The following METTL14 variants were observed in gnomAD, a reference collection of about 807,000 sequenced individuals.
METTL14 encodes the protein N(6)-adenosine-methyltransferase non-catalytic subunit METTL14.
In METTL14, 32 loss-of-function variants were observed where a neutral mutation model predicts 62.4. That is an observed-to-expected ratio of 0.51 (90% CI 0.39 to 0.69). METTL14 has a LOEUF of 0.69. Among genes scored for constraint, METTL14 ranks in the 30% least tolerant of loss-of-function variants. The pLI, the probability that METTL14 is intolerant of heterozygous loss-of-function variation, is 0.00. For missense variants in METTL14, 340 were observed against 551.9 expected (o/e 0.62, Z 3.85); for synonymous variants, 150 against 180.0 (o/e 0.83, Z 1.34).
At chr4:118,701,500 C>A (rs190454396) in intron 8 of METTL14, among the ~76,000 whole-genome samples, 3 of 152,132 alleles carry the variant, frequency 2.0e-5, no homozygotes, top group Admixed American at 6.5e-5. Flanking sequence ...TTGGCCTTCA[C>A]CAAAAGGAAC....
rs1421029705 is a variant in METTL14 at position 118,713,223 on chromosome 4, T to A, written c.*2921T>A. ...TATGAGCCCTTATTTCCTATCTCCCTTATTCTGAGGCCAGGTCAGTGATAT... is the reference window on the plus strand; with the variant it reads ...TATGAGCCCTTATTTCCTATCTCCCATATTCTGAGGCCAGGTCAGTGATAT... On this transcript the variant is annotated 3_prime_UTR_variant, in exon 11 of 11. Transcript: ENST00000388822. 6.6e-6 allele frequency: 1 copy of A among 152,208 alleles called. No homozygotes were observed. The highest frequency in any genetic ancestry group is 1.5e-5 in the Non-Finnish European group (1 of 68,042). 9.4% of individuals were successfully genotyped at this position (152,208 alleles called of 1,614,324 possible). A position where few individuals can be genotyped will look rare whatever the true frequency, so the allele number is the denominator to read the frequency against.
chr4:118,707,663 CAA>C (rs58896173), intron 10 of METTL14, among the ~76,000 whole-genome samples: 36 of 54,070 alleles, frequency 6.7e-4, no homozygotes, highest in Non-Finnish European at 3.9e-4. Flanking sequence ...GACCCTGTCT[CAA>C]AAAAAAAAAA....
At chr4:118,702,938 T>TTTATTATTATTATTATTATTATTA (rs70944804) in intron 8 of METTL14, among the ~76,000 whole-genome samples, 1 of 135,158 alleles carries the variant, frequency 7.4e-6, no homozygotes. Flanking sequence ...GTTGGAAGGT[T>TTTATTATTATTATTATTATTATTA]TTATTATTAT....
intron 5 of METTL14, among the ~76,000 whole-genome samples, chr4:118,693,057 A>T (rs925940043): frequency 6.6e-6 from 1 of 152,124 alleles, no homozygotes; most frequent in Non-Finnish European, 1.5e-5. Context: ...TACCTTTCTG[A>T]CAACTACTCT....
chr4:118,697,342 C>T lies in METTL14; in HGVS notation c.645+19C>T, dbSNP rs1288384213. ...GGATGATGTATGATCAAACTTTCTACATTGTAATGAATTATTTATTTTCAA... is the reference window on the plus strand; with the variant it reads ...GGATGATGTATGATCAAACTTTCTATATTGTAATGAATTATTTATTTTCAA... On this transcript the variant is annotated intron_variant, in intron 7 of 10. Transcript: ENST00000388822. 1 of 1,571,186 alleles carries T rather than the reference C, an allele frequency of 6.4e-7. No individual in the cohort carries two copies. Among genetic ancestry groups the T allele is most frequent in the Non-Finnish European group, 8.6e-7 (1 of 1,161,820 alleles).
intron 8 of METTL14, among the ~76,000 whole-genome samples, chr4:118,703,384 A>G (rs1409991151): frequency 1.3e-5 from 2 of 152,234 alleles, no homozygotes; most frequent in African/African-American, 4.8e-5. Context: ...TTTCTAGATT[A>G]TATAGAGATG....
At chr4:118,689,518 A>C in intron 3 of METTL14, 61 bp downstream of exon 3, 1 of 956,698 alleles carries the variant, frequency 1.0e-6, no homozygotes, top group Non-Finnish European at 1.6e-6. Context: ...TGATAGATTC[A>C]TATCCAGGAA....
chr4:118,700,652 T>G lies in METTL14; in HGVS notation c.738+10T>G, dbSNP rs898187969. On this transcript the variant is annotated intron_variant, in intron 8 of 10. Transcript: ENST00000388822. ...GGACCTTGGAAGAGTGGTAAGATGGTGCTTTTATAAAGTGGATTTTTAAAT... is the reference window on the plus strand; with the variant it reads ...GGACCTTGGAAGAGTGGTAAGATGGGGCTTTTATAAAGTGGATTTTTAAAT... The G allele has an allele frequency of 1.9e-6, 3 of 1,580,446 alleles. No homozygotes were observed. The highest frequency in any genetic ancestry group is 1.7e-4 in the Middle Eastern group (1 of 5,936).
chr4:118,705,519 G>T (rs929932005), intron 9 of METTL14, 92 bp from the exon 10 acceptor site: 14 of 991,518 alleles, frequency 1.4e-5, no homozygotes, highest in Non-Finnish European at 1.9e-5. Flanking sequence ...GAGAAATGAG[G>T]ATTGTTTTAG....
Position 118,713,376 on chromosome 4 carries a change from T to A in METTL14, c.*3074T>A, listed in dbSNP as rs922692126. On this transcript the variant is annotated 3_prime_UTR_variant, in exon 11 of 11. Coordinates refer to ENST00000388822, the MANE Select transcript of METTL14 (RefSeq NM_020961.4). ...TGTCTTTTAAAATACTTTCTACCCA[T>A]CTTAATTGCTAAATTATCTTTCAGT... 5 of 152,210 alleles carry A rather than the reference T, an allele frequency of 3.3e-5. No individual in the cohort carries two copies. The highest frequency in any genetic ancestry group is 3.3e-4 in the Admixed American group (5 of 15,280). 9.4% of individuals were successfully genotyped at this position (152,210 alleles called of 1,614,324 possible). A position where few individuals can be genotyped will look rare whatever the true frequency, so the allele number is the denominator to read the frequency against.
intron 5 of METTL14, among the ~76,000 whole-genome samples, chr4:118,693,169 T>G (rs1724306042): frequency 6.6e-6 from 1 of 152,246 alleles, no homozygotes; most frequent in African/African-American, 2.4e-5. Context: ...CTGTTTTTTA[T>G]TGTAGCCATC....
At chr4:118,694,107 T>A (rs1724332488) in intron 5 of METTL14, among the ~76,000 whole-genome samples, 1 of 146,000 alleles carries the variant, frequency 6.8e-6, no homozygotes, top group Non-Finnish European at 1.5e-5. Context: ...GGGAAAAGAA[T>A]CACACAAGAA....
At chr4:118,693,072 T>C (rs936033748) in intron 5 of METTL14, among the ~76,000 whole-genome samples, 2 of 152,200 alleles carry the variant, frequency 1.3e-5, no homozygotes, top group African/African-American at 4.8e-5. Context: ...TACTCTCTTG[T>C]GTTTCCAAGC....
At chr4:118,689,716 C>G (rs1724187255) in intron 3 of METTL14, among the ~76,000 whole-genome samples, 1 of 150,146 alleles carries the variant, frequency 6.7e-6, no homozygotes, top group Non-Finnish European at 1.5e-5. Flanking sequence ...AATCTCGGCT[C>G]ACTGCAACCT....
At chr4:118,706,298 C>G (rs746268631) in intron 10 of METTL14, among the ~76,000 whole-genome samples, 2 of 152,206 alleles carry the variant, frequency 1.3e-5, no homozygotes, top group Non-Finnish European at 2.9e-5. Context: ...TTTTTACTGT[C>G]TCCGTAATTT....
At chr4:118,695,060 G>A (rs567884884) in intron 6 of METTL14, among the ~76,000 whole-genome samples, 90 of 151,470 alleles carry the variant, frequency 5.9e-4, no homozygotes, top group African/African-American at 2.1e-3. Context: ...TCAAACTCCT[G>A]ACCTTGGGTG....
In METTL14 at chr4:118,701,183, G is replaced by GTTTTTTTTTTTTTTTTTTTTTTTTTT. The variant is rs373953605; in HGVS notation, c.738+550_738+551insTTTTTTTTTTTTTTTTTTTTTTTTTT. Among the ~76,000 whole-genome samples the GTTTTTTTTTTTTTTTTTTTTTTTTTT allele has an allele frequency of 2.3e-5, 3 of 132,250 alleles. 1 individual carries two copies. The highest frequency in any genetic ancestry group is 5.0e-5 in the Non-Finnish European group (3 of 60,504). 86.8% of individuals were successfully genotyped at this position (132,250 alleles called of 152,430 possible). ...TATTTTTTTATTGGAGTTTTTTTTT[G>GTTTTTTTTTTTTTTTTTTTTTTTTTT]TTTTTTTTTGTTTTTTTGAGACAAG... is the stretch of plus-strand genomic sequence containing the variant. On this transcript the variant is annotated intron_variant, in intron 8 of 10. Transcript: ENST00000388822.
chr4:118,705,382 G>A (rs984014994), intron 9 of METTL14, among the ~76,000 whole-genome samples: 1 of 152,154 alleles, frequency 6.6e-6, no homozygotes, highest in African/African-American at 2.4e-5. Context: ...GGCTGAGGCG[G>A]GGGATTGCTT....
chr4:118,710,966 A>G lies in METTL14; in HGVS notation c.*664A>G, dbSNP rs916595294. The G allele has an allele frequency of 6.6e-6, 1 of 152,084 alleles. No individual in the cohort carries two copies. Among genetic ancestry groups the G allele is most frequent in the Non-Finnish European group, 1.5e-5 (1 of 68,048 alleles). 9.4% of individuals were successfully genotyped at this position (152,084 alleles called of 1,614,324 possible). A position where few individuals can be genotyped will look rare whatever the true frequency, so the allele number is the denominator to read the frequency against. ...TCATCATAATCTCAATTTTGTGGCT[A>G]TGACTCCTAATCACGCTTCCTAAGA... On this transcript the variant is annotated 3_prime_UTR_variant, in exon 11 of 11. Transcript: ENST00000388822.
Sources: gnomAD v4.1 joint callset for allele counts (sites outside exome capture counted in the v4.1 genomes callset) on GRCh38, gnomAD v4.1.1 for gene constraint, MANE v1.5 for transcripts, NCBI Gene and HGNC (gene_info 2026-07-23, HGNC 2026-07-21) for gene names.